The following TRIM33 variants were observed in gnomAD, a reference collection of about 807,000 sequenced individuals.
The protein encoded by TRIM33 is tripartite motif containing 33.
TRIM33 carries 20 observed loss-of-function variants against 125.4 expected under a neutral mutation model. The observed-to-expected ratio is 0.16, with a 90% CI of 0.11 to 0.23. The LOEUF (loss-of-function observed/expected upper bound fraction) is 0.23, where lower values mean the gene tolerates loss of function less well. TRIM33 is among the 10% of genes least tolerant of loss of function. The pLI is 1.00. For missense variants in TRIM33, 920 were observed against 1,411.4 expected, an observed-to-expected ratio of 0.65 and a Z score of 5.58; for synonymous variants, 564 against 513.9, an observed-to-expected ratio of 1.10 and a Z score of -1.32.
At position 114,510,532 on chromosome 1, in the gene TRIM33, G is replaced by A. The variant is rs1450972841; in HGVS notation, c.526+19C>T. 2 of 1,457,440 alleles carry A rather than the reference G, an allele frequency of 1.4e-6. No homozygotes were observed. Among genetic ancestry groups the A allele is most frequent in the South Asian group, 1.4e-5 (1 of 72,916 alleles). The allele number at this position is 1,457,440 out of a possible 1,614,324, so 90.3% of individuals were successfully genotyped here. On this transcript the variant is annotated intron_variant, in intron 1 of 19. Transcript: ENST00000358465. The stretch of plus-strand genomic sequence containing the variant: ...CAAATCCCTTGCGGCCCAGATGCCA[G>A]GCAGGGCCTCCGGCTCACCTTGCTG...
chr1:114,502,713 C>T (rs532091341), intron 1 of TRIM33, among the ~76,000 whole-genome samples: 1 of 151,808 alleles, frequency 6.6e-6, no homozygotes, highest in Admixed American at 6.6e-5. Flanking sequence ...CACTATATTC[C>T]CCAGGCTGGT....
chr1:114,463,523 C>T lies in TRIM33; in HGVS notation c.679G>A (p.Val227Ile). Residue 227 changes from valine to isoleucine, a missense_variant, in exon 3 of 20, where the codon GTT becomes ATT. Transcript: ENST00000358465. ...CTSCEDNASA[V>I]GFCVECGEWL... ...TCTCCACATTCTACACAAAAGCCAA[C>T]TGCACTTGCATTGTCTTCACAACTA... is the stretch of plus-strand genomic sequence containing the variant. 1 of 1,610,664 alleles carries T rather than the reference C, an allele frequency of 6.2e-7. No homozygotes were observed. The highest frequency in any genetic ancestry group is 8.5e-7 in the Non-Finnish European group (1 of 1,177,332).
chr1:114,424,702 T>C lies in TRIM33; in HGVS notation c.1749A>G (p.Gly583=). Reference sequence around the variant, plus strand: ...GTCTCATCTGATGGGCTTGAAAAGCTCCACAGTTCATGTTGCCTCTTTGCA... The same window carrying C: ...GTCTCATCTGATGGGCTTGAAAAGCCCCACAGTTCATGTTGCCTCTTTGCA... ...QTMQRGNMNC[G]AFQAHQMRLA... is the part of the protein sequence containing the mutation. The change falls in exon 10 of 20, where the codon GGA becomes GGG. Residue 583 remains glycine, a synonymous_variant. Transcript: ENST00000358465. The C allele has an allele frequency of 1.9e-6, 3 of 1,610,384 alleles. No homozygotes were observed. Among genetic ancestry groups the C allele is most frequent in the Non-Finnish European group, 2.5e-6 (3 of 1,177,942 alleles).
intron 1 of TRIM33, 138 bp downstream of exon 1, chr1:114,510,413 G>A (rs2101595926): frequency 2.7e-6 from 2 of 732,530 alleles, no homozygotes; most frequent in East Asian, 6.5e-5. Flanking sequence ...GTGTCCCAGG[G>A]GCGAGTCTTT....
chr1:114,408,316 G>T (rs1163380451), intron 13 of TRIM33, among the ~76,000 whole-genome samples: 1 of 151,768 alleles, frequency 6.6e-6, no homozygotes, highest in African/African-American at 2.4e-5. Flanking sequence ...TTTTTCAAAG[G>T]CATTTGTTGC....
At chr1:114,415,808 C>T (rs552461050) in intron 11 of TRIM33, among the ~76,000 whole-genome samples, 1 of 151,958 alleles carries the variant, frequency 6.6e-6, no homozygotes, top group South Asian at 2.1e-4. Flanking sequence ...AAAAATTAGC[C>T]GGGCGGGGTG....
At chr1:114,454,905 T>C (rs1649535073) in intron 4 of TRIM33, among the ~76,000 whole-genome samples, 1 of 152,078 alleles carries the variant, frequency 6.6e-6, no homozygotes, top group Admixed American at 6.5e-5. Context: ...AGTCTAGGTA[T>C]GAGAAAGACA....
At chr1:114,443,848 C>A (rs1028692886) in intron 4 of TRIM33, among the ~76,000 whole-genome samples, 1 of 150,180 alleles carries the variant, frequency 6.7e-6, no homozygotes, top group African/African-American at 2.5e-5. Flanking sequence ...GCCTGGGCAA[C>A]ACAGTGAGAC....
chr1:114,411,694 A>G (rs922476591), intron 11 of TRIM33, among the ~76,000 whole-genome samples: 1 of 152,210 alleles, frequency 6.6e-6, no homozygotes, highest in African/African-American at 2.4e-5. Context: ...CTCTAAGGGT[A>G]GAGGATGGAC....
At chr1:114,463,701 T>C in intron 2 of TRIM33, 145 bp from the exon 3 acceptor site, 1 of 591,656 alleles carries the variant, frequency 1.7e-6, no homozygotes, top group Non-Finnish European at 2.9e-6. Flanking sequence ...CAAAATCCTT[T>C]TCCTTACAGA....
intron 14 of TRIM33, among the ~76,000 whole-genome samples, 200 bp downstream of exon 14, chr1:114,406,741 A>G (rs1351002122): frequency 6.6e-6 from 1 of 152,236 alleles, no homozygotes; most frequent in Non-Finnish European, 1.5e-5. Flanking sequence ...ACTTAATACA[A>G]TTAAGTCTTT....
At chr1:114,402,946 C>G in intron 15 of TRIM33, 63 bp from the exon 16 acceptor site, 1 of 1,441,858 alleles carries the variant, frequency 6.9e-7, no homozygotes, top group Non-Finnish European at 9.3e-7. Flanking sequence ...AGAGAAGCTA[C>G]TTCCCTGGAC....
chr1:114,416,590 T>C (rs907359292), intron 11 of TRIM33, among the ~76,000 whole-genome samples: 2 of 152,204 alleles, frequency 1.3e-5, no homozygotes, highest in African/African-American at 2.4e-5. Flanking sequence ...ATACTCTATC[T>C]TGACCAACAA....
At chr1:114,421,347 G>T in intron 11 of TRIM33, 89 bp downstream of exon 11, 2 of 1,234,304 alleles carry the variant, frequency 1.6e-6, no homozygotes, top group Non-Finnish European at 2.3e-6. Flanking sequence ...TGTTGATCCT[G>T]AATTAAAAAA....
intron 8 of TRIM33, among the ~76,000 whole-genome samples, chr1:114,426,631 A>C (rs1180402877): frequency 6.6e-6 from 1 of 152,008 alleles, no homozygotes; most frequent in African/African-American, 2.4e-5. Context: ...ATTGCTAGGA[A>C]GTTTGTGTGC....
At chr1:114,454,093 A>G (rs1166441404) in intron 4 of TRIM33, among the ~76,000 whole-genome samples, 3 of 152,216 alleles carry the variant, frequency 2.0e-5, no homozygotes, top group African/African-American at 7.2e-5. Context: ...TCTTGATCTT[A>G]CAAGTGGTGT....
chr1:114,489,623 T>A (rs1157878169), intron 1 of TRIM33, among the ~76,000 whole-genome samples: 3 of 151,866 alleles, frequency 2.0e-5, no homozygotes, highest in Non-Finnish European at 4.4e-5. Flanking sequence ...GGTGCACCTG[T>A]AGTCCCAGCT....
chr1:114,469,395 G>A (rs897868727), intron 1 of TRIM33: 24 of 152,282 alleles, frequency 1.6e-4, no homozygotes, highest in African/African-American at 5.6e-4. Flanking sequence ...AAGCTGCCAA[G>A]TTCTTTGATG....
intron 1 of TRIM33, among the ~76,000 whole-genome samples, chr1:114,506,291 G>A (rs1652999252): frequency 6.6e-6 from 1 of 151,046 alleles, no homozygotes; most frequent in Admixed American, 6.6e-5. Context: ...GCTGAGGCAG[G>A]AGAATCACTT....
Sources: gnomAD v4.1 joint callset for allele counts (sites outside exome capture counted in the v4.1 genomes callset) on GRCh38, gnomAD v4.1.1 for gene constraint, MANE v1.5 for transcripts, NCBI Gene and HGNC (gene_info 2026-07-23, HGNC 2026-07-21) for gene names.